The following ZNF276 variants were observed in gnomAD, a reference collection of about 807,000 sequenced individuals.
ZNF276 encodes centromere protein Z.
A neutral mutation model predicts 63.9 loss-of-function variants in ZNF276; 59 were observed. The observed-to-expected ratio is 0.92, with a 90% confidence interval of 0.75 to 1.15. The LOEUF (loss-of-function observed/expected upper bound fraction) is 1.15, where lower values mean the gene tolerates loss of function less well. ZNF276 is among the 50% of genes most tolerant of loss of function. ZNF276 has a pLI of 0.00. For synonymous variants in ZNF276, 496 were observed against 348.4 expected (o/e 1.42, Z -4.72); for missense variants, 1,084 against 843.8 (o/e 1.28, Z -3.53).
intron 6 of ZNF276, chr16:89,732,114 T>G (rs2061673630): frequency 1.3e-5 from 2 of 152,090 alleles, no homozygotes; most frequent in South Asian, 2.1e-4. Context: ...TCTTGAGATA[T>G]TTCCTTAACT....
At position 89,737,790 on chromosome 16, in the gene ZNF276, G is replaced by T. The variant is rs767196100; in HGVS notation, c.1475-16G>T. ...GAGCATCAGGGGCCTGGACTCACTG[G>T]ACTCTCCCCTCTCAGAGGTGCGGAA... On this transcript the variant is annotated splice_polypyrimidine_tract_variant and intron_variant, in intron 9 of 10. Coordinates refer to ENST00000443381, the MANE Select transcript of ZNF276 (RefSeq NM_001113525.2). The T allele has an allele frequency of 6.2e-7, 1 of 1,614,102 alleles. No homozygotes were observed. The highest frequency in any genetic ancestry group is 1.1e-5 in the South Asian group (1 of 91,014).
At chr16:89,724,682 A>G (rs1159475430) in intron 4 of ZNF276, among the ~76,000 whole-genome samples, 1 of 152,180 alleles carries the variant, frequency 6.6e-6, no homozygotes, top group Non-Finnish European at 1.5e-5. Context: ...GTTTAGCTAG[A>G]TACGGGTGCA....
chr16:89,723,144 GC>G lies in ZNF276; in HGVS notation c.520del (p.Gln174SerfsTer15), dbSNP rs1396766932. 1 of 1,613,092 alleles carries G rather than the reference GC, an allele frequency of 6.2e-7. No homozygotes were observed. The highest frequency in any genetic ancestry group is 8.5e-7 in the Non-Finnish European group (1 of 1,180,042). ...CACACTGATCCTTTGCAGGGTCGGT[GC>G]CCAGCCCCCAACAGGGGCAGAGGAG... ...GRRKPCAKVG[A>X]QPPTGAEEGA... On this transcript the variant is annotated frameshift_variant, in exon 3 of 11. Coordinates refer to ENST00000443381, the MANE Select transcript of ZNF276 (RefSeq NM_001113525.2). LOFTEE classifies it high-confidence loss of function.
At chr16:89,721,871 G>T (rs945362268) in intron 1 of ZNF276, 26 bp downstream of exon 1, 6 of 1,196,556 alleles carry the variant, frequency 5.0e-6, no homozygotes, top group Admixed American at 4.4e-5. Context: ...GGGCGTGGCG[G>T]GTTGGGGTCG....
intron 4 of ZNF276, among the ~76,000 whole-genome samples, chr16:89,726,094 C>T (rs866885897): frequency 1.9e-4 from 29 of 152,254 alleles, no homozygotes; most frequent in African/African-American, 6.8e-4. Flanking sequence ...CGGCTCACTG[C>T]AGCCTCTGCC....
chr16:89,728,913 G>A (rs1055323387), intron 5 of ZNF276, among the ~76,000 whole-genome samples: 2 of 152,152 alleles, frequency 1.3e-5, no homozygotes, highest in Non-Finnish European at 2.9e-5. Flanking sequence ...TGAGGTGGTC[G>A]ATTTCTCAAA....
At position 89,731,152 on chromosome 16, in the gene ZNF276, G is replaced by T. The variant is rs1238664398; in HGVS notation, c.1169+1834G>T. ...ACAAGGGGCCACCCAATCCAGGCAGGCAGGGCAGGTGAGGGGGACATGTGG... is the reference window on the plus strand; with the variant it reads ...ACAAGGGGCCACCCAATCCAGGCAGTCAGGGCAGGTGAGGGGGACATGTGG... On this transcript the variant is annotated intron_variant, in intron 6 of 10. Coordinates refer to ENST00000443381, the MANE Select transcript of ZNF276 (RefSeq NM_001113525.2). 2.6e-5 allele frequency among the ~76,000 whole-genome samples: 4 copies of T among 152,378 alleles called. No homozygotes were observed. In the East Asian group the frequency reaches 7.7e-4, roughly 29 times the overall value.
chr16:89,723,844 G>T (rs2061385348), intron 4 of ZNF276, 135 bp downstream of exon 4: 6 of 992,414 alleles, frequency 6.0e-6, no homozygotes, highest in Non-Finnish European at 8.6e-6. Flanking sequence ...AGAGCTTGGG[G>T]CTTCTGCCTG....
At chr16:89,721,005 C>T (rs935572710), upstream of ZNF276, 26 of 808,676 alleles carry the variant, frequency 3.2e-5, no homozygotes, top group Non-Finnish European at 4.3e-5. Flanking sequence ...CGACGGGCCC[C>T]CTCCGCGCGT....
At chr16:89,721,027 C>T (rs1597951053), upstream of ZNF276, 1 of 629,522 alleles carries the variant, frequency 1.6e-6, no homozygotes, top group Non-Finnish European at 2.2e-6. Context: ...CTGCGGGCCC[C>T]ACGGGTGTTA....
chr16:89,731,839 T>G (rs938468634), intron 6 of ZNF276: 3 of 152,252 alleles, frequency 2.0e-5, no homozygotes, highest in African/African-American at 7.2e-5. Flanking sequence ...AAATAATTAA[T>G]TAGGGTTTTT....
intron 9 of ZNF276, chr16:89,737,586 T>A (rs1742295184): frequency 1.3e-6 from 1 of 774,746 alleles, no homozygotes; most frequent in Admixed American, 3.3e-5. Flanking sequence ...TTAAAAACCA[T>A]CCTGAAATGC....
At position 89,738,589 on chromosome 16, in the gene ZNF276, T is replaced by C. The variant is rs1264601544; in HGVS notation, c.*343T>C. 6.2e-7 allele frequency: 1 copy of C among 1,612,856 alleles called. No individual in the cohort carries two copies. The highest frequency in any genetic ancestry group is 1.7e-5 in the Admixed American group (1 of 60,002). On this transcript the variant is annotated 3_prime_UTR_variant, in exon 11 of 11. Coordinates refer to ENST00000443381, the MANE Select transcript of ZNF276 (RefSeq NM_001113525.2). ...ACACGGGAGCTGGGCTGGTGTGCAGTGGCAGGTCCCGTCAGAAGAGATGAG... is the reference window on the plus strand; with the variant it reads ...ACACGGGAGCTGGGCTGGTGTGCAGCGGCAGGTCCCGTCAGAAGAGATGAG...
In ZNF276 at chr16:89,739,311, C is replaced by T; in HGVS notation, c.*1065C>T. 6.2e-7 allele frequency: 1 copy of T among 1,614,016 alleles called. No individual in the cohort carries two copies. Among genetic ancestry groups the T allele is most frequent in the Admixed American group, 1.7e-5 (1 of 59,998 alleles). ...AAGACTAGAGGTAAAGACATAGTGA[C>T]AAATGGCTACAGACTGCTGGAAAGG... On this transcript the variant is annotated 3_prime_UTR_variant, in exon 11 of 11. Transcript: ENST00000443381.
rs2151713304 is a variant in ZNF276, at chr16:89,739,618, A to C, written c.*1372A>C. The C allele has an allele frequency of 6.5e-7, 1 of 1,530,732 alleles. No homozygotes were observed. 94.8% of individuals were successfully genotyped at this position (1,530,732 alleles called of 1,614,324 possible). On this transcript the variant is annotated 3_prime_UTR_variant, in exon 11 of 11. Coordinates refer to ENST00000443381, the MANE Select transcript of ZNF276 (RefSeq NM_001113525.2). The stretch of plus-strand genomic sequence containing the variant: ...TCTGCCTATTATCAGTGCTGGGGAC[A>C]CCCCTGGGGGTCGGGACGTGTACCC...
chr16:89,733,041 T>C (rs577763035), intron 6 of ZNF276: 11 of 473,178 alleles, frequency 2.3e-5, no homozygotes, highest in Non-Finnish European at 3.5e-5. Context: ...GACCCTGCTG[T>C]ACCCTGCGCC....
rs988167616 is a variant in ZNF276, at chr16:89,733,689, A to G, written c.1356+132A>G. 16 of 1,088,330 alleles carry G rather than the reference A, an allele frequency of 1.5e-5. No homozygotes were observed. In the African/African-American group the frequency reaches 2.5e-4, roughly 17 times the overall value. 67.4% of individuals were successfully genotyped at this position (1,088,330 alleles called of 1,614,324 possible). ...TTGACCTAGGTTAACCGAGACCTGA[A>G]GCAGTCCTAGCCAGTGCCATCCTTG... On this transcript the variant is annotated intron_variant, in intron 8 of 10. Coordinates refer to ENST00000443381, the MANE Select transcript of ZNF276 (RefSeq NM_001113525.2).
upstream of ZNF276, chr16:89,720,675 C>G: frequency 2.4e-6 from 3 of 1,270,870 alleles, no homozygotes; most frequent in Non-Finnish European, 2.0e-6. Flanking sequence ...GTCTCCAGCC[C>G]GAGCCGGCCC....
intron 9 of ZNF276, chr16:89,737,591 A>C (rs935242999): frequency 2.4e-6 from 2 of 827,060 alleles, no homozygotes; most frequent in African/African-American, 3.4e-5. Context: ...AACCATCCTG[A>C]AATGCACACA....
Sources: allele counts gnomAD v4.1 joint callset (sites outside exome capture counted in the v4.1 genomes callset), GRCh38; gene constraint gnomAD v4.1.1; transcripts MANE v1.5; gene names NCBI Gene and HGNC (gene_info 2026-07-23, HGNC 2026-07-21).